The following TIGAR variants were observed in gnomAD, a reference collection of about 807,000 sequenced individuals.
TIGAR encodes the protein TP53 induced glycolysis regulatory phosphatase, also known as fructose-2,6-bisphosphatase TIGAR.
A neutral mutation model predicts 17.9 loss-of-function variants in TIGAR; 7 were observed. That is an observed-to-expected ratio of 0.39 (90% CI 0.22 to 0.73). TIGAR has a LOEUF of 0.73. Ranked by LOEUF, TIGAR falls within the 30% of genes least tolerant of loss-of-function variation. The probability of loss-of-function intolerance (pLI) is 0.42; values close to 1 mark genes in which losing one functional copy is unlikely to be tolerated. For synonymous variants in TIGAR, 94 were observed against 108.6 expected, an observed-to-expected ratio of 0.87 and a Z score of 0.84; for missense variants, 258 against 327.4, an observed-to-expected ratio of 0.79 and a Z score of 1.64.
At chr12:4,334,671 A>G (rs888994733) in intron 2 of TIGAR, among the ~76,000 whole-genome samples, 1 of 152,194 alleles carries the variant, frequency 6.6e-6, no homozygotes, top group African/African-American at 2.4e-5. Flanking sequence ...GTCTCAGACC[A>G]TTCCTGAAGT....
intron 1 of TIGAR, among the ~76,000 whole-genome samples, chr12:4,327,908 C>T (rs989899760): frequency 1.3e-5 from 2 of 152,026 alleles, no homozygotes; most frequent in Non-Finnish European, 2.9e-5. Context: ...CCTCATGATC[C>T]GCCTGCTTCG....
At chr12:4,351,170 A>G in intron 4 of TIGAR, 97 bp from the exon 5 acceptor site, 2 of 1,087,040 alleles carry the variant, frequency 1.8e-6, no homozygotes, top group Non-Finnish European at 2.7e-6. Context: ...GAGTTAGCTT[A>G]TTCCTGGGAT....
rs1284557862 is a variant in TIGAR, at chr12:4,356,166, C to A, written c.*3475C>A. 6.6e-6 allele frequency among the ~76,000 whole-genome samples: 1 copy of A among 152,082 alleles called. No individual in the cohort carries two copies. Among genetic ancestry groups the A allele is most frequent in the Non-Finnish European group, 1.5e-5 (1 of 67,988 alleles). ...ACAAGGTTGGAGGCAGGGAAGATGG[C>A]AGCACTGGCTGTTGGGCCATTTGAA... On this transcript the variant is annotated 3_prime_UTR_variant, in exon 6 of 6. Coordinates refer to ENST00000179259, the MANE Select transcript of TIGAR (RefSeq NM_020375.3).
In TIGAR at chr12:4,337,083, G is replaced by A. The variant is rs988400837; in HGVS notation, c.115G>A (p.Ala39Thr). The part of the protein sequence containing the change: ...EPLSETGFKQ[A>T]AAAGIFLNNV... ...TCTTTCAGAAACTGGATTTAAACAA[G>A]CAGCAGCTGCTGGTATATTTCTGAA... is the stretch of plus-strand genomic sequence containing the variant. Residue 39 changes from alanine to threonine, a missense_variant, in exon 3 of 6, where the codon GCA becomes ACA. Coordinates refer to ENST00000179259, the MANE Select transcript of TIGAR (RefSeq NM_020375.3). 2 of 1,613,410 alleles carry A rather than the reference G, an allele frequency of 1.2e-6. No homozygotes were observed. The highest frequency in any genetic ancestry group is 1.7e-6 in the Non-Finnish European group (2 of 1,179,376).
At chr12:4,348,687 CAAGG>C (rs1333939397) in intron 3 of TIGAR, among the ~76,000 whole-genome samples, 1 of 152,124 alleles carries the variant, frequency 6.6e-6, no homozygotes, top group African/African-American at 2.4e-5. Flanking sequence ...TAGGAAAATA[CAAGG>C]AAATATTGAC....
chr12:4,334,422 G>A (rs1864636937), intron 2 of TIGAR, among the ~76,000 whole-genome samples: 2 of 152,150 alleles, frequency 1.3e-5, no homozygotes, highest in South Asian at 4.1e-4. Context: ...CTCCTAATAC[G>A]ATCACATTGA....
rs1051213854 is a variant in TIGAR at position 4,355,614 on chromosome 12, A to G, written c.*2923A>G. ...CGTATTTTTTGAGCATGGCACACAC[A>G]TGCCAGGCTATTTTAAGAACTACTA... On this transcript the variant is annotated 3_prime_UTR_variant, in exon 6 of 6. Transcript: ENST00000179259. Among the ~76,000 whole-genome samples the G allele has an allele frequency of 4.6e-5, 7 of 152,264 alleles. No individual in the cohort carries two copies. The highest frequency in any genetic ancestry group is 2.9e-5 in the Non-Finnish European group (2 of 68,046).
chr12:4,337,163 A>G lies in TIGAR; in HGVS notation c.192+3A>G. On this transcript the variant is annotated splice_donor_region_variant and intron_variant, in intron 3 of 5. Coordinates refer to ENST00000179259, the MANE Select transcript of TIGAR (RefSeq NM_020375.3). ...GTGATCTCATGAGGACAAAGCAGGT[A>G]CATTTATTTATTTATTTATTTTGAG... 1 of 1,593,184 alleles carries G rather than the reference A, an allele frequency of 6.3e-7. No homozygotes were observed.
At position 4,356,133 on chromosome 12, in the gene TIGAR, A is replaced by G. The variant is rs149720107; in HGVS notation, c.*3442A>G. On this transcript the variant is annotated 3_prime_UTR_variant, in exon 6 of 6. Transcript: ENST00000179259. ...TGGAGAGCAGGCTGTAGGGGGTGCT[A>G]TAGGAGCACAAGGTTGGAGGCAGGG... Among the ~76,000 whole-genome samples, 720 of 152,298 alleles carry G rather than the reference A, an allele frequency of 4.7e-3. 5 individuals are homozygous for G. Among genetic ancestry groups the G allele is most frequent in the African/African-American group, 0.017 (694 of 41,564 alleles).
At position 4,355,089 on chromosome 12, in the gene TIGAR, C is replaced by T. The variant is rs1864884747; in HGVS notation, c.*2398C>T. Reference sequence around the variant, plus strand: ...TTTAAGACAAACCAATATACCTTATCCTTTATGGGGTTTTTTTGGTGTGTA... The same window carrying T: ...TTTAAGACAAACCAATATACCTTATTCTTTATGGGGTTTTTTTGGTGTGTA... On this transcript the variant is annotated 3_prime_UTR_variant, in exon 6 of 6. Transcript: ENST00000179259. 6.6e-6 allele frequency among the ~76,000 whole-genome samples: 1 copy of T among 151,998 alleles called. No homozygotes were observed. Among genetic ancestry groups the T allele is most frequent in the Non-Finnish European group, 1.5e-5 (1 of 67,998 alleles).
rs1018616261 is a variant in TIGAR, at chr12:4,357,811, A to T, written c.*5120A>T. Among the ~76,000 whole-genome samples, 2 of 151,940 alleles carry T rather than the reference A, an allele frequency of 1.3e-5. No individual in the cohort carries two copies. The highest frequency in any genetic ancestry group is 4.1e-4 in the South Asian group (2 of 4,824). ...TTCTTAGTAATTTTGTGACCAAGCA[A>T]TCGCTGAGGTGGCTGGGCGTGGTGG... On this transcript the variant is annotated 3_prime_UTR_variant, in exon 6 of 6. Coordinates refer to ENST00000179259, the MANE Select transcript of TIGAR (RefSeq NM_020375.3).
At chr12:4,326,910 T>C (rs1591658963) in intron 1 of TIGAR, among the ~76,000 whole-genome samples, 1 of 152,314 alleles carries the variant, frequency 6.6e-6, no homozygotes, top group East Asian at 1.9e-4. Context: ...TTAAATTTCT[T>C]CTCACCCCTC....
Position 4,352,590 on chromosome 12 carries a change from TTTATCA to T in TIGAR, c.714_719del (p.Phe238_Ile240delinsLeu). ...CACTCCCAATACAGGGATGAGTCTC[TTTATCA>T]TAAACTTTGAGGAAGGAAGAGAAGT... On this transcript the variant is annotated inframe_deletion, in exon 6 of 6. Transcript: ENST00000179259. 6.2e-7 allele frequency: 1 copy of T among 1,613,324 alleles called. No individual in the cohort carries two copies. The highest frequency in any genetic ancestry group is 8.5e-7 in the Non-Finnish European group (1 of 1,180,022).
intron 1 of TIGAR, among the ~76,000 whole-genome samples, chr12:4,330,474 C>T (rs969422992): frequency 6.6e-6 from 1 of 152,192 alleles, no homozygotes; most frequent in Non-Finnish European, 1.5e-5. Flanking sequence ...GGTCAGCAAA[C>T]ATTTAATTAG....
chr12:4,332,905 G>C (rs1231616570), intron 2 of TIGAR, among the ~76,000 whole-genome samples: 1 of 152,146 alleles, frequency 6.6e-6, no homozygotes, highest in Non-Finnish European at 1.5e-5. Flanking sequence ...ATCAATTTAT[G>C]AGTGCAGTAT....
intron 2 of TIGAR, 152 bp downstream of exon 2, chr12:4,331,469 A>G: frequency 1.4e-6 from 1 of 737,438 alleles, no homozygotes. Flanking sequence ...CAGAAATATG[A>G]TCAGGGCTGT....
chr12:4,322,110 C>T (rs1864487607), intron 1 of TIGAR, among the ~76,000 whole-genome samples: 1 of 152,180 alleles, frequency 6.6e-6, no homozygotes, highest in Admixed American at 6.5e-5. Context: ...GATTCTCCTG[C>T]TTCAGCCTCC....
Position 4,321,751 on chromosome 12 carries a change from C to T in TIGAR, c.32+448C>T, listed in dbSNP as rs1321741617. Among the ~76,000 whole-genome samples the T allele has an allele frequency of 6.6e-6, 1 of 152,172 alleles. No individual in the cohort carries two copies. Among genetic ancestry groups the T allele is most frequent in the African/African-American group, 2.4e-5 (1 of 41,430 alleles). ...TATCCTCTCAGTTTCTGAGGTTCCC[C>T]CTCGTTTCCCCAGGCAGTCAGCCCC... On this transcript the variant is annotated intron_variant, in intron 1 of 5. Transcript: ENST00000179259. This position sits in a 1 kb window ranked among gnomAD's most constrained non-coding sequence, Gnocchi z 5.2.
At chr12:4,339,969 T>C (rs1350533615) in intron 3 of TIGAR, among the ~76,000 whole-genome samples, 1 of 152,158 alleles carries the variant, frequency 6.6e-6, no homozygotes, top group Non-Finnish European at 1.5e-5. Context: ...TCATACTGAG[T>C]GAGGAGAAAC....
Sources: gnomAD v4.1 joint callset for allele counts (sites outside exome capture counted in the v4.1 genomes callset) on GRCh38, gnomAD v4.1.1 for gene constraint, Gnocchi (gnomAD v3.1) non-coding constraint, MANE v1.5 for transcripts, NCBI Gene and HGNC (gene_info 2026-07-23, HGNC 2026-07-21) for gene names.